DZANK1: variants seen among roughly 807,000 people sequenced by gnomAD.
DZANK1 encodes the protein double zinc ribbon and ankyrin repeat-containing protein 1.
In DZANK1, 91 loss-of-function variants were observed where a neutral mutation model predicts 94.5. That is an observed-to-expected ratio of 0.96 (90% confidence interval 0.81 to 1.15). The LOEUF is 1.15. Ranked by LOEUF, DZANK1 falls within the 50% of genes most tolerant of loss-of-function variation. The pLI is 0.00. For missense variants in DZANK1, 903 were observed against 916.4 expected (o/e 0.99, Z 0.19); for synonymous variants, 312 against 325.3 (o/e 0.96, Z 0.44).
At chr20:18,405,657 T>A (rs1280358256) in intron 13 of DZANK1, among the ~76,000 whole-genome samples, 3 of 152,230 alleles carry the variant, frequency 2.0e-5, no homozygotes, top group Non-Finnish European at 4.4e-5. Flanking sequence ...CCTACATCAT[T>A]CATCCTCCCT....
intron 3 of DZANK1, 54 bp downstream of exon 3, chr20:18,460,099 G>T: frequency 8.2e-7 from 1 of 1,225,872 alleles, no homozygotes; most frequent in South Asian, 2.4e-5. Flanking sequence ...AATAAAATTA[G>T]AACATAATGT....
intron 10 of DZANK1, among the ~76,000 whole-genome samples, chr20:18,417,994 G>A (rs899627045): frequency 2.0e-5 from 3 of 152,076 alleles, no homozygotes; most frequent in Non-Finnish European, 4.4e-5. Flanking sequence ...GCTGAGGCAG[G>A]AGAATCACTT....
chr20:18,443,128 T>C (rs1401583374), intron 8 of DZANK1, among the ~76,000 whole-genome samples: 1 of 152,218 alleles, frequency 6.6e-6, no homozygotes, highest in African/African-American at 2.4e-5. Context: ...AAGATTCCAA[T>C]CTTTTTTAAG....
In DZANK1 at chr20:18,393,376, G is replaced by A. The variant is rs533263042; in HGVS notation, c.1809+335C>T. 1.8e-3 allele frequency among the ~76,000 whole-genome samples: 277 copies of A among 152,318 alleles called. 2 individuals carry two copies. Among genetic ancestry groups the A allele is most frequent in the African/African-American group, 6.4e-3 (264 of 41,572 alleles). ...CATCCTCATGCTGGGCACCAGGCCAGCATCTGCACTACCCAACTAGTCTTC... is the reference window on the plus strand; with the variant it reads ...CATCCTCATGCTGGGCACCAGGCCAACATCTGCACTACCCAACTAGTCTTC... On this transcript the variant is annotated intron_variant, in intron 17 of 20. Transcript: ENST00000262547.
chr20:18,435,917 T>A (rs2058502750), intron 8 of DZANK1, among the ~76,000 whole-genome samples: 1 of 151,932 alleles, frequency 6.6e-6, no homozygotes, highest in South Asian at 2.1e-4. Flanking sequence ...TTAATCCAAG[T>A]AAACAAAACA....
chr20:18,399,519 C>T (rs186060929), intron 13 of DZANK1, among the ~76,000 whole-genome samples: 8 of 152,208 alleles, frequency 5.3e-5, no homozygotes, highest in East Asian at 3.9e-4. Context: ...TGTGAGACAC[C>T]GCACCCAGCC....
intron 19 of DZANK1, among the ~76,000 whole-genome samples, chr20:18,387,302 A>G (rs1478936241): frequency 2.0e-5 from 3 of 152,202 alleles, no homozygotes; most frequent in Admixed American, 6.5e-5. Flanking sequence ...GCTATTTCCT[A>G]TGTATCCACA....
intron 8 of DZANK1, among the ~76,000 whole-genome samples, chr20:18,439,240 G>C (rs2058641464): frequency 6.6e-6 from 1 of 152,146 alleles, no homozygotes; most frequent in African/African-American, 2.4e-5. Context: ...TCACTCAATT[G>C]AAAGCAACAA....
chr20:18,426,755 C>T (rs1906229845), intron 10 of DZANK1, among the ~76,000 whole-genome samples: 1 of 152,194 alleles, frequency 6.6e-6, no homozygotes, highest in Non-Finnish European at 1.5e-5. Flanking sequence ...ATGACAAAGA[C>T]ATACCTGTCT....
chr20:18,429,701 T>G (rs1215309434), intron 9 of DZANK1, among the ~76,000 whole-genome samples: 2 of 152,236 alleles, frequency 1.3e-5, no homozygotes, highest in Non-Finnish European at 2.9e-5. Context: ...CTTGTCTAAG[T>G]GATGGTCTAC....
intron 14 of DZANK1, 31 bp from the exon 15 acceptor site, chr20:18,396,577 A>G: frequency 6.4e-7 from 1 of 1,568,982 alleles, no homozygotes; most frequent in Non-Finnish European, 8.8e-7. Context: ...AGAATTCATA[A>G]CTGTGGGTGT....
intron 10 of DZANK1, among the ~76,000 whole-genome samples, chr20:18,425,302 C>T (rs1310147585): frequency 6.6e-6 from 1 of 152,166 alleles, no homozygotes; most frequent in Non-Finnish European, 1.5e-5. Context: ...CCTGTAATCC[C>T]AGCACTTTGT....
chr20:18,439,928 A>T (rs73262939), intron 8 of DZANK1, among the ~76,000 whole-genome samples: 1 of 152,052 alleles, frequency 6.6e-6, no homozygotes, highest in Non-Finnish European at 1.5e-5. Context: ...CCAGCCCCCA[A>T]TGTGATTGTA....
chr20:18,393,336 A>T (rs1226347830), intron 17 of DZANK1, among the ~76,000 whole-genome samples: 1 of 152,178 alleles, frequency 6.6e-6, no homozygotes, highest in Non-Finnish European at 1.5e-5. Context: ...CCACTCACAC[A>T]GGGACTTCAG....
At chr20:18,461,414 A>G (rs929832356) in intron 2 of DZANK1, among the ~76,000 whole-genome samples, 1 of 152,106 alleles carries the variant, frequency 6.6e-6, no homozygotes, top group Non-Finnish European at 1.5e-5. Flanking sequence ...ATAGATGAAC[A>G]ATAATTTAAC....
chr20:18,443,423 G>A (rs1194584860), exon 8 of DZANK1: 56 of 1,519,342 alleles, frequency 3.7e-5, no homozygotes, highest in Non-Finnish European at 4.8e-5. Context: ...ACAGAAGCGA[G>A]CAAAGGGATC....
intron 13 of DZANK1, among the ~76,000 whole-genome samples, chr20:18,410,459 C>T (rs1272727239): frequency 1.3e-5 from 2 of 152,006 alleles, no homozygotes; most frequent in Non-Finnish European, 2.9e-5. Flanking sequence ...CAAAATGTTA[C>T]ACTGGAAAAT....
At chr20:18,394,481 A>AC in intron 15 of DZANK1, 131 bp from the exon 16 acceptor site, 1 of 894,644 alleles carries the variant, frequency 1.1e-6, no homozygotes, top group Non-Finnish European at 1.8e-6. Context: ...GGAGCCTGAG[A>AC]CCTGGATGTC....
chr20:18,444,719 G>A (rs2058818302), intron 7 of DZANK1, among the ~76,000 whole-genome samples: 1 of 144,732 alleles, frequency 6.9e-6, no homozygotes, highest in Non-Finnish European at 1.6e-5. Context: ...TAGAACATAG[G>A]AGTTGTCAGG....
Sources: gnomAD v4.1 joint callset for allele counts (sites outside exome capture counted in the v4.1 genomes callset) on GRCh38, gnomAD v4.1.1 for gene constraint, MANE v1.5 for transcripts, NCBI Gene and HGNC (gene_info 2026-07-23, HGNC 2026-07-21) for gene names.